The following CNTN6 variants were observed in gnomAD, a reference collection of about 807,000 sequenced individuals.
The protein encoded by CNTN6 is contactin-6.
In CNTN6, 137 loss-of-function variants were observed where a neutral mutation model predicts 122.8. That is an observed-to-expected ratio of 1.12 (90% CI 0.97 to 1.29). CNTN6 has a LOEUF of 1.29. Ranked by LOEUF, CNTN6 falls within the 50% of genes most tolerant of loss-of-function variation. The pLI is 0.00. For missense variants in CNTN6, 1,634 were observed against 1,223.4 expected (o/e 1.34, Z -5.01); for synonymous variants, 570 against 426.0 (o/e 1.34, Z -4.16).
intron 4 of CNTN6, among the ~76,000 whole-genome samples, chr3:1,273,783 AATC>A (rs1691815261): frequency 6.6e-6 from 1 of 152,230 alleles, no homozygotes; most frequent in Admixed American, 6.5e-5. Context: ...ATCCCATTGT[AATC>A]ATAAAAGGCA....
intron 2 of CNTN6, among the ~76,000 whole-genome samples, chr3:1,168,049 A>G (rs908907485): frequency 6.6e-6 from 1 of 151,978 alleles, no homozygotes; most frequent in African/African-American, 2.4e-5. Context: ...TTGGTACTAG[A>G]GGTGCACGCC....
chr3:1,402,067 A>AAT (rs1181802926), intron 21 of CNTN6, among the ~76,000 whole-genome samples: 11 of 151,986 alleles, frequency 7.2e-5, no homozygotes, highest in African/African-American at 2.4e-4. Context: ...CTCCAATGAT[A>AAT]ATAGCCTCAA....
chr3:1,272,708 G>A (rs2095046434), intron 4 of CNTN6, among the ~76,000 whole-genome samples: 2 of 152,090 alleles, frequency 1.3e-5, no homozygotes, highest in African/African-American at 4.8e-5. Context: ...AAGCTTATGA[G>A]ACTTGGCAAA....
At position 1,124,327 on chromosome 3, in the gene CNTN6, T is replaced by G. The variant is rs558847596; in HGVS notation, c.-82-23600T>G. Reference sequence around the variant, plus strand: ...CTACTATTCTTGGTATACCCCACCCTTATCTCTCTAGCCTGTCATTCTGTC... The same window carrying G: ...CTACTATTCTTGGTATACCCCACCCGTATCTCTCTAGCCTGTCATTCTGTC... On this transcript the variant is annotated intron_variant, in intron 1 of 22. Coordinates refer to ENST00000446702, the MANE Select transcript of CNTN6 (RefSeq NM_001289080.2). Among the ~76,000 whole-genome samples, 4 of 151,874 alleles carry G rather than the reference T, an allele frequency of 2.6e-5. 1 individual carries two copies. The highest frequency in any genetic ancestry group is 5.9e-5 in the Non-Finnish European group (4 of 67,896).
chr3:1,401,400 C>A, intron 20 of CNTN6, 33 bp from the exon 21 acceptor site: 1 of 1,544,258 alleles, frequency 6.5e-7, no homozygotes, highest in Non-Finnish European at 8.9e-7. Context: ...AGCTAATTAA[C>A]ATTCATTTGG....
chr3:1,389,493 A>C (rs1693758748), intron 20 of CNTN6, among the ~76,000 whole-genome samples: 4 of 152,176 alleles, frequency 2.6e-5, no homozygotes. Context: ...ACTAGGAAGA[A>C]ACTGCATCAA....
At chr3:1,202,437 G>C (rs947474125) in intron 2 of CNTN6, among the ~76,000 whole-genome samples, 1 of 151,212 alleles carries the variant, frequency 6.6e-6, no homozygotes, top group Admixed American at 6.6e-5. Context: ...CTACTCGGGA[G>C]GCTGAGGCGG....
At chr3:1,362,395 A>T (rs1191282269) in intron 12 of CNTN6, among the ~76,000 whole-genome samples, 8 of 152,154 alleles carry the variant, frequency 5.3e-5, no homozygotes, top group African/African-American at 1.9e-4. Flanking sequence ...GGGCTTTAAA[A>T]TAATTTTGAT....
chr3:1,300,016 G>C (rs994838340), intron 7 of CNTN6, among the ~76,000 whole-genome samples: 3 of 151,520 alleles, frequency 2.0e-5, no homozygotes, highest in Non-Finnish European at 2.9e-5. Flanking sequence ...TTGCTCTGTT[G>C]CTCAGGCTGG....
chr3:1,293,522 G>A (rs771170615), intron 5 of CNTN6, among the ~76,000 whole-genome samples: 11 of 152,108 alleles, frequency 7.2e-5, no homozygotes, highest in East Asian at 1.9e-4. Context: ...GAAGCCTACC[G>A]GAACATATCA....
chr3:1,184,319 A>G (rs1450519992), intron 2 of CNTN6, among the ~76,000 whole-genome samples: 2 of 152,178 alleles, frequency 1.3e-5, no homozygotes, highest in Admixed American at 6.5e-5. Context: ...TGAATACTAT[A>G]AAAGTGTAAT....
intron 5 of CNTN6, among the ~76,000 whole-genome samples, chr3:1,285,715 TTGTCTCTGGAATTCGAAAGATCC>T (rs1439662681): frequency 6.6e-6 from 1 of 152,194 alleles, no homozygotes; most frequent in Non-Finnish European, 1.5e-5. Context: ...GGCCAAGATC[TTGTCTCTGGAATTCGAAAGATCC>T]TGTCTAAACA....
chr3:1,328,813 G>C (rs151045710), intron 10 of CNTN6, among the ~76,000 whole-genome samples: 1 of 151,780 alleles, frequency 6.6e-6, no homozygotes, highest in East Asian at 2.0e-4. Context: ...ATGGAGACTG[G>C]ACACATGGAT....
At position 1,234,618 on chromosome 3, in the gene CNTN6, G is replaced by A. The variant is rs774803703; in HGVS notation, c.358+6625G>A. On this transcript the variant is annotated intron_variant, in intron 4 of 22. Coordinates refer to ENST00000446702, the MANE Select transcript of CNTN6 (RefSeq NM_001289080.2). ...AAATTGTAAAGTCTCCGATAATTGC[G>A]AAGTGCGTATTAAGTGGGTAATGCA... Among the ~76,000 whole-genome samples the A allele has an allele frequency of 6.6e-5, 10 of 152,144 alleles. No individual in the cohort carries two copies. In the South Asian group the frequency reaches 8.3e-4, roughly 13 times the overall value.
At chr3:1,126,318 T>C (rs1344797205) in intron 1 of CNTN6, among the ~76,000 whole-genome samples, 2 of 151,910 alleles carry the variant, frequency 1.3e-5, no homozygotes, top group African/African-American at 4.8e-5. Flanking sequence ...AAAATAAATA[T>C]GATTCTACTG....
At chr3:1,331,719 A>G (rs1170910274) in intron 11 of CNTN6, among the ~76,000 whole-genome samples, 1 of 151,894 alleles carries the variant, frequency 6.6e-6, no homozygotes, top group Non-Finnish European at 1.5e-5. Context: ...TAACTCACCC[A>G]AGGAGCAGAA....
intron 1 of CNTN6, among the ~76,000 whole-genome samples, chr3:1,109,779 A>G (rs1471430266): frequency 6.6e-6 from 1 of 152,130 alleles, no homozygotes; most frequent in Non-Finnish European, 1.5e-5. Context: ...TTCTATTTAT[A>G]TACACACTCA....
chr3:1,138,542 AT>A (rs2092537907), intron 1 of CNTN6, among the ~76,000 whole-genome samples: 1 of 151,998 alleles, frequency 6.6e-6, no homozygotes, highest in Non-Finnish European at 1.5e-5. Flanking sequence ...TAATTTGACA[AT>A]TATAGCAAAA....
At chr3:1,335,826 C>T (rs1249569078) in intron 11 of CNTN6, among the ~76,000 whole-genome samples, 5 of 151,910 alleles carry the variant, frequency 3.3e-5, no homozygotes, top group African/African-American at 9.7e-5. Flanking sequence ...TTCAGGAGTT[C>T]GAGACCAGCC....
Sources: gnomAD v4.1 joint callset for allele counts (sites outside exome capture counted in the v4.1 genomes callset) on GRCh38, gnomAD v4.1.1 for gene constraint, MANE v1.5 for transcripts, NCBI Gene and HGNC (gene_info 2026-07-23, HGNC 2026-07-21) for gene names.